The following LRMDA variants were observed in gnomAD, a reference collection of about 807,000 sequenced individuals.
LRMDA encodes the protein leucine rich melanocyte differentiation associated.
A neutral mutation model predicts 29.8 loss-of-function variants in LRMDA; 18 were observed. That is an observed-to-expected ratio of 0.60 (90% CI 0.42 to 0.90). The LOEUF is 0.90. LRMDA is among the 40% of genes least tolerant of loss of function. The probability of loss-of-function intolerance (pLI) is 0.00; values close to 1 mark genes in which losing one functional copy is unlikely to be tolerated. For missense variants in LRMDA, 273 were observed against 273.9 expected (o/e 1.00, Z 0.02); for synonymous variants, 125 against 109.4 (o/e 1.14, Z -0.89).
intron 2 of LRMDA, among the ~76,000 whole-genome samples, chr10:75,729,936 T>C (rs764083329): frequency 7.2e-5 from 11 of 152,156 alleles, no homozygotes; most frequent in African/African-American, 1.2e-4. Context: ...TAGCTGGGAC[T>C]ACATGTCCAC....
At position 76,546,205 on chromosome 10, in the gene LRMDA, G is replaced by A. The variant is rs139669951; in HGVS notation, c.602-11004G>A. Among the ~76,000 whole-genome samples, 516 of 152,266 alleles carry A rather than the reference G, an allele frequency of 3.4e-3. 1 individual carries two copies. Among genetic ancestry groups the A allele is most frequent in the Non-Finnish European group, 6.1e-3 (417 of 68,016 alleles). On this transcript the variant is annotated intron_variant, in intron 6 of 6. Transcript: ENST00000611255. ...GTACTGCATACCTACTGTGCCCTTG[G>A]CTTTATGATGCATGGGCGAAAGTCT... is the stretch of plus-strand genomic sequence containing the variant.
chr10:75,597,511 G>A (rs899998793), intron 2 of LRMDA, among the ~76,000 whole-genome samples: 10 of 152,138 alleles, frequency 6.6e-5, no homozygotes, highest in African/African-American at 1.7e-4. Flanking sequence ...TTTAAATACC[G>A]TAAAAAGCCT....
At chr10:76,436,347 G>A (rs1350198601) in intron 6 of LRMDA, among the ~76,000 whole-genome samples, 1 of 152,212 alleles carries the variant, frequency 6.6e-6, no homozygotes, top group East Asian at 1.9e-4. Flanking sequence ...AATGGTGAAA[G>A]GGTGGAAAAT....
At chr10:76,112,697 TC>T (rs66874178) in intron 5 of LRMDA, among the ~76,000 whole-genome samples, 152,341 of 152,342 alleles carry the variant, frequency 1, 76,170 homozygotes, top group Non-Finnish European at 1. Flanking sequence ...TAGGTCCGGC[TC>T]CCGGAGCCCC....
At chr10:75,910,726 T>C (rs997834019) in intron 2 of LRMDA, among the ~76,000 whole-genome samples, 1 of 152,204 alleles carries the variant, frequency 6.6e-6, no homozygotes, top group Non-Finnish European at 1.5e-5. Context: ...TGTGCTCTTT[T>C]AGCCATGTTG....
chr10:75,591,983 A>C (rs1840729209), intron 2 of LRMDA, among the ~76,000 whole-genome samples: 1 of 151,884 alleles, frequency 6.6e-6, no homozygotes, highest in South Asian at 2.1e-4. Flanking sequence ...GGTGGTATGG[A>C]GGAGCAGGGG....
intron 6 of LRMDA, among the ~76,000 whole-genome samples, chr10:76,436,923 C>G (rs190125525): frequency 2.6e-5 from 4 of 152,214 alleles, no homozygotes; most frequent in Admixed American, 2.6e-4. Context: ...CCTTCCTTCT[C>G]CCTCCACCTA....
intron 5 of LRMDA, among the ~76,000 whole-genome samples, chr10:76,283,313 G>A (rs1840229375): frequency 6.6e-6 from 1 of 152,180 alleles, no homozygotes; most frequent in Non-Finnish European, 1.5e-5. Context: ...AAGATTGGAA[G>A]CAGCAAGATC....
chr10:76,111,142 G>A lies in LRMDA; in HGVS notation c.516+52359G>A, dbSNP rs146128335. ...AGCTTGTTATCACTTCCCCTGGGCA[G>A]CCTTCCTCCAAGACCAGACCAGATC... On this transcript the variant is annotated intron_variant, in intron 5 of 6. Coordinates refer to ENST00000611255, the MANE Select transcript of LRMDA (RefSeq NM_001305581.2). Among the ~76,000 whole-genome samples, 580 of 152,208 alleles carry A rather than the reference G, an allele frequency of 3.8e-3. 6 individuals are homozygous for A. Among genetic ancestry groups the A allele is most frequent in the African/African-American group, 0.013 (557 of 41,512 alleles).
intron 5 of LRMDA, among the ~76,000 whole-genome samples, chr10:76,114,632 A>G (rs1321525065): frequency 3.3e-5 from 5 of 152,190 alleles, no homozygotes; most frequent in African/African-American, 4.8e-5. Flanking sequence ...AGAGTCCCCA[A>G]GCAGCCCCTT....
chr10:75,823,450 A>G (rs191990269), intron 2 of LRMDA, among the ~76,000 whole-genome samples: 2 of 152,322 alleles, frequency 1.3e-5, no homozygotes, highest in East Asian at 3.9e-4. Flanking sequence ...TAAAAAGTCA[A>G]AAAACAACAG....
intron 6 of LRMDA, among the ~76,000 whole-genome samples, chr10:76,453,070 A>G (rs1009982102): frequency 2.0e-5 from 3 of 152,224 alleles, no homozygotes; most frequent in African/African-American, 7.2e-5. Flanking sequence ...ATATTCTATA[A>G]TGTTCACAGA....
intron 2 of LRMDA, among the ~76,000 whole-genome samples, chr10:75,678,102 A>G (rs1324359032): frequency 6.6e-6 from 1 of 152,208 alleles, no homozygotes; most frequent in Non-Finnish European, 1.5e-5. Context: ...TCATACATAT[A>G]CATATATGTG....
intron 2 of LRMDA, among the ~76,000 whole-genome samples, chr10:75,444,908 C>T (rs1028330417): frequency 2.0e-5 from 3 of 152,144 alleles, no homozygotes; most frequent in Non-Finnish European, 4.4e-5. Flanking sequence ...TTCCCCATCT[C>T]AATAAATACT....
At chr10:76,398,704 T>C (rs1841816349) in intron 6 of LRMDA, among the ~76,000 whole-genome samples, 1 of 152,220 alleles carries the variant, frequency 6.6e-6, no homozygotes, top group African/African-American at 2.4e-5. Context: ...AGGGAATGCC[T>C]TGGGTTTTTG....
At chr10:75,797,671 C>T (rs1042639055) in intron 2 of LRMDA, among the ~76,000 whole-genome samples, 17 of 152,090 alleles carry the variant, frequency 1.1e-4, no homozygotes, top group African/African-American at 2.9e-4. Flanking sequence ...TGGCTTCTTT[C>T]GTTTAGCATA....
intron 2 of LRMDA, among the ~76,000 whole-genome samples, chr10:75,983,512 G>A (rs1208180658): frequency 1.3e-5 from 2 of 152,000 alleles, no homozygotes; most frequent in African/African-American, 4.8e-5. Flanking sequence ...ACATGCATAC[G>A]TAATATCCCC....
intron 5 of LRMDA, among the ~76,000 whole-genome samples, chr10:76,254,855 G>A (rs1240164629): frequency 6.6e-6 from 1 of 152,006 alleles, no homozygotes; most frequent in East Asian, 1.9e-4. Context: ...GGTTTTATAG[G>A]AACAATGTGC....
Position 75,548,245 on chromosome 10 carries a change from T to C in LRMDA, c.131+109751T>C, listed in dbSNP as rs537043716. On this transcript the variant is annotated intron_variant, in intron 2 of 6. Coordinates refer to ENST00000611255, the MANE Select transcript of LRMDA (RefSeq NM_001305581.2). ...CCAAAGAATCTTCTTTAGAGCAAGA[T>C]GGCATTTAATATTTTTGCAGATTAA... 4.6e-5 allele frequency among the ~76,000 whole-genome samples: 7 copies of C among 152,318 alleles called. No individual in the cohort carries two copies. In the East Asian group the frequency reaches 1.2e-3, roughly 25 times the overall value.
Sources: gnomAD v4.1 joint callset for allele counts (sites outside exome capture counted in the v4.1 genomes callset) on GRCh38, gnomAD v4.1.1 for gene constraint, MANE v1.5 for transcripts, NCBI Gene and HGNC (gene_info 2026-07-23, HGNC 2026-07-21) for gene names.